The following GRID2 variants were observed in gnomAD, a reference collection of about 807,000 sequenced individuals.
The protein encoded by GRID2 is glutamate receptor ionotropic, delta-2.
GRID2 carries 33 observed loss-of-function variants against 114.8 expected under a neutral mutation model. The observed-to-expected ratio is 0.29, with a 90% CI of 0.22 to 0.38. The LOEUF (loss-of-function observed/expected upper bound fraction) is 0.38, where lower values mean the gene tolerates loss of function less well. Ranked by LOEUF, GRID2 falls within the 10% of genes least tolerant of loss-of-function variation. GRID2 has a pLI of 1.00. For missense variants in GRID2, 1,184 were observed against 1,257.7 expected (o/e 0.94, Z 0.89); for synonymous variants, 505 against 449.9 (o/e 1.12, Z -1.55).
intron 14 of GRID2, among the ~76,000 whole-genome samples, chr4:93,696,334 A>G (rs200132652): frequency 6.6e-6 from 1 of 152,160 alleles, no homozygotes; most frequent in African/African-American, 2.4e-5. Flanking sequence ...AGTTTCTTCC[A>G]CTGCCGATAA....
intron 4 of GRID2, among the ~76,000 whole-genome samples, chr4:93,131,145 ATTTTTTTTT>A (rs34215461): frequency 1.1e-5 from 1 of 88,754 alleles, no homozygotes; most frequent in East Asian, 3.7e-4. Flanking sequence ...AGATTAAATA[ATTTTTTTTT>A]TTTTTTTTTT....
At chr4:93,355,144 T>C (rs140116141) in intron 8 of GRID2, among the ~76,000 whole-genome samples, 1 of 152,074 alleles carries the variant, frequency 6.6e-6, no homozygotes, top group East Asian at 1.9e-4. Flanking sequence ...AACATTCTTA[T>C]TCCTGGATCC....
chr4:92,465,160 G>C (rs1043498013), intron 1 of GRID2, among the ~76,000 whole-genome samples: 1 of 151,976 alleles, frequency 6.6e-6, no homozygotes, highest in Non-Finnish European at 1.5e-5. Context: ...GTTTATAGCA[G>C]TGTGAGAATA....
At chr4:93,115,132 T>C (rs577927939) in intron 4 of GRID2, among the ~76,000 whole-genome samples, 74 of 151,478 alleles carry the variant, frequency 4.9e-4, no homozygotes, top group Admixed American at 9.2e-4. Flanking sequence ...GTATGATATA[T>C]GAACAGAATT....
chr4:92,904,808 A>G (rs569347565), intron 2 of GRID2, among the ~76,000 whole-genome samples: 6 of 152,168 alleles, frequency 3.9e-5, no homozygotes, highest in South Asian at 4.1e-4. Context: ...AGAACTTTAG[A>G]TTAATGAAGA....
chr4:92,963,355 A>G (rs989670072), intron 2 of GRID2, among the ~76,000 whole-genome samples: 2 of 152,042 alleles, frequency 1.3e-5, no homozygotes, highest in Non-Finnish European at 2.9e-5. Context: ...AAATCCTCTT[A>G]TCCCTGCTGC....
chr4:93,065,988 G>C (rs529521567), intron 2 of GRID2, among the ~76,000 whole-genome samples: 1 of 151,940 alleles, frequency 6.6e-6, no homozygotes, highest in East Asian at 1.9e-4. Flanking sequence ...GTGATACTTA[G>C]TGGTGTGTGG....
chr4:92,715,084 A>G (rs1427310924), intron 2 of GRID2, among the ~76,000 whole-genome samples: 1 of 152,166 alleles, frequency 6.6e-6, no homozygotes, highest in Non-Finnish European at 1.5e-5. Context: ...AATGCCTTTA[A>G]TAGCACCCAA....
intron 8 of GRID2, among the ~76,000 whole-genome samples, chr4:93,342,172 C>T (rs1268321793): frequency 1.3e-5 from 2 of 152,158 alleles, no homozygotes; most frequent in Admixed American, 1.3e-4. Flanking sequence ...AACTCCTTAC[C>T]AACACCTGTA....
At chr4:92,390,125 CTGTT>C (rs1730169769) in intron 1 of GRID2, among the ~76,000 whole-genome samples, 1 of 152,004 alleles carries the variant, frequency 6.6e-6, no homozygotes. Context: ...TACAGCATGA[CTGTT>C]TAGCTAGATT....
chr4:93,664,348 C>A (rs1723766768), intron 14 of GRID2, among the ~76,000 whole-genome samples: 2 of 152,158 alleles, frequency 1.3e-5, no homozygotes, highest in Admixed American at 1.3e-4. Context: ...ATGGTGCTAT[C>A]TGAATGAAGG....
At chr4:92,589,655 A>G (rs1728617244) in intron 1 of GRID2, among the ~76,000 whole-genome samples, 1 of 152,182 alleles carries the variant, frequency 6.6e-6, no homozygotes, top group South Asian at 2.1e-4. Context: ...CCCGTGTTCA[A>G]AAAAATGGGG....
At chr4:93,766,041 C>A (rs1473990376) in intron 14 of GRID2, among the ~76,000 whole-genome samples, 2 of 151,986 alleles carry the variant, frequency 1.3e-5, no homozygotes, top group Non-Finnish European at 2.9e-5. Flanking sequence ...ATTCATTTAC[C>A]AAAACTGTGT....
rs1054696499 is a variant in GRID2 at position 92,439,896 on chromosome 4, T to A, written c.88+135152T>A. 9.6e-5 allele frequency among the ~76,000 whole-genome samples: 14 copies of A among 145,680 alleles called. 2 individuals carry two copies. Among genetic ancestry groups the A allele is most frequent in the Non-Finnish European group, 1.4e-4 (9 of 64,382 alleles). ...GGAGAAACAGTGTAAACCGGCAGTGTAAACAAGAGCAGGGCATGTATGAGT... is the reference window on the plus strand; with the variant it reads ...GGAGAAACAGTGTAAACCGGCAGTGAAAACAAGAGCAGGGCATGTATGAGT... On this transcript the variant is annotated intron_variant, in intron 1 of 15. Transcript: ENST00000282020.
chr4:93,711,912 G>A (rs937756721), intron 14 of GRID2, among the ~76,000 whole-genome samples: 11 of 152,158 alleles, frequency 7.2e-5, no homozygotes, highest in African/African-American at 2.7e-4. Flanking sequence ...TGTGTGGATA[G>A]TTGTACCGTT....
intron 4 of GRID2, among the ~76,000 whole-genome samples, chr4:93,193,867 A>T (rs540209926): frequency 1.3e-5 from 2 of 152,180 alleles, no homozygotes; most frequent in Non-Finnish European, 2.9e-5. Flanking sequence ...ATAGGCCACA[A>T]TTGTACCTCA....
At chr4:93,258,095 T>C (rs1749826100) in intron 8 of GRID2, among the ~76,000 whole-genome samples, 1 of 150,908 alleles carries the variant, frequency 6.6e-6, no homozygotes, top group Non-Finnish European at 1.5e-5. Context: ...GGTAATACTA[T>C]AATCAATTGC....
At chr4:92,586,004 A>T (rs1728418094) in intron 1 of GRID2, among the ~76,000 whole-genome samples, 1 of 150,660 alleles carries the variant, frequency 6.6e-6, no homozygotes, top group South Asian at 2.1e-4. Context: ...ATTTTATAAG[A>T]TTATATCTAT....
intron 2 of GRID2, among the ~76,000 whole-genome samples, chr4:92,720,137 G>T (rs1735740840): frequency 6.6e-6 from 1 of 151,946 alleles, no homozygotes; most frequent in Non-Finnish European, 1.5e-5. Context: ...TTCTTTTTAA[G>T]TCAAATTATA....
Sources: allele counts gnomAD v4.1 joint callset (sites outside exome capture counted in the v4.1 genomes callset), GRCh38; gene constraint gnomAD v4.1.1; transcripts MANE v1.5; gene names NCBI Gene and HGNC (gene_info 2026-07-23, HGNC 2026-07-21).